Variants in ALMS1 observed in about 807,000 individuals in gnomAD.
ALMS1 encodes the protein centrosome-associated protein ALMS1.
ALMS1 carries 271 observed loss-of-function variants against 352.2 expected under a neutral mutation model. The observed-to-expected ratio is 0.77, with a 90% CI of 0.70 to 0.85. ALMS1 has a LOEUF of 0.85. ALMS1 is among the 40% of genes least tolerant of loss of function. ALMS1 has a pLI of 0.00. For missense variants in ALMS1, 5,445 were observed against 4,870.7 expected, an observed-to-expected ratio of 1.12 and a Z score of -3.51; for synonymous variants, 1,865 against 1,761.2, an observed-to-expected ratio of 1.06 and a Z score of -1.48.
Position 73,455,233 on chromosome 2 carries a change from A to C in ALMS1, c.7612A>C (p.Arg2538=). ...TTCAGAATTAAATGAAGATGACAGG[A>C]GGAAAGTAGAAGAGATCAAGGCAGA... ...SISELNEDDR[R]KVEEIKAELF... The change falls in exon 9 of 23, where the codon AGG becomes CGG. Residue 2538 remains arginine, a synonymous_variant. Transcript: ENST00000613296. 1 of 1,614,162 alleles carries C rather than the reference A, an allele frequency of 6.2e-7. No individual in the cohort carries two copies. The highest frequency in any genetic ancestry group is 8.5e-7 in the Non-Finnish European group (1 of 1,180,000).
At chr2:73,585,741 T>TTTTTTTC (rs1553420024) in intron 16 of ALMS1, among the ~76,000 whole-genome samples, 6 of 148,530 alleles carry the variant, frequency 4.0e-5, no homozygotes, top group Admixed American at 1.3e-4. Context: ...TTTTTTTTTT[T>TTTTTTTC]CCCCGAGACG....
chr2:73,484,783 C>T (rs1006016180), intron 9 of ALMS1, among the ~76,000 whole-genome samples: 2 of 152,038 alleles, frequency 1.3e-5, no homozygotes, highest in African/African-American at 4.8e-5. Flanking sequence ...TCTTTTTATT[C>T]TTTTTTCTCT....
intron 10 of ALMS1, among the ~76,000 whole-genome samples, chr2:73,506,505 C>A (rs1558673370): frequency 6.6e-6 from 1 of 152,148 alleles, no homozygotes; most frequent in South Asian, 2.1e-4. Flanking sequence ...TCCTTCACAT[C>A]CATTGAATGT....
chr2:73,440,025 G>C (rs1212741616), intron 7 of ALMS1, among the ~76,000 whole-genome samples: 1 of 152,006 alleles, frequency 6.6e-6, no homozygotes, highest in Non-Finnish European at 1.5e-5. Context: ...CTGTCGCCCA[G>C]GCTGGAGTGC....
chr2:73,573,308 A>G lies in ALMS1; in HGVS notation c.11431A>G (p.Ser3811Gly), dbSNP rs762842326. The change falls in exon 16 of 23, where the codon AGC becomes GGC. Residue 3811 changes from serine to glycine, a missense_variant. By Grantham distance (56) the Ser-to-Gly change is moderately conservative. Coordinates refer to ENST00000613296, the MANE Select transcript of ALMS1 (RefSeq NM_001378454.1). ...LSPRRIKLYS[S>G]ITNQQRRYLE... ...ACCCAGACGAATTAAATTATATAGC[A>G]GCATCACCAACCAACAGAGGAGATA... The G allele has an allele frequency of 6.2e-7, 1 of 1,614,128 alleles. No individual in the cohort carries two copies. Among genetic ancestry groups the G allele is most frequent in the South Asian group, 1.1e-5 (1 of 91,078 alleles).
chr2:73,466,307 A>G (rs1466356184), intron 9 of ALMS1, among the ~76,000 whole-genome samples: 2 of 152,096 alleles, frequency 1.3e-5, no homozygotes, highest in Non-Finnish European at 2.9e-5. Context: ...TGCAGCCATA[A>G]AAAATGATGA....
rs1671860790 is a variant in ALMS1 at position 73,448,726 on chromosome 2, T to A, written c.2199T>A (p.Ser733Arg). ...GIFYQQEFAD[S>R]HQTEETLTKV... Reference sequence around the variant, plus strand: ...TTTACCAACAAGAGTTCGCAGACAGTCATCAAACTGAAGAGACTCTTACTA... The same window carrying A: ...TTTACCAACAAGAGTTCGCAGACAGACATCAAACTGAAGAGACTCTTACTA... Residue 733 changes from serine (S) to arginine (R), a missense_variant, in exon 8 of 23, where the codon AGT (serine) becomes AGA (arginine). Coordinates refer to ENST00000613296, the MANE Select transcript of ALMS1 (RefSeq NM_001378454.1). The A allele has an allele frequency of 1.9e-6, 3 of 1,605,256 alleles. No individual in the cohort carries two copies. The highest frequency in any genetic ancestry group is 8.5e-7 in the Non-Finnish European group (1 of 1,174,172).
At chr2:73,439,078 TTTTCTTC>T (rs972351551) in intron 7 of ALMS1, among the ~76,000 whole-genome samples, 3 of 150,988 alleles carry the variant, frequency 2.0e-5, no homozygotes, top group African/African-American at 4.9e-5. Context: ...TCTTCCTCTT[TTTTCTTC>T]TTTCTTCTTT....
chr2:73,486,935 G>T (rs1375591214), intron 9 of ALMS1, among the ~76,000 whole-genome samples: 2 of 152,124 alleles, frequency 1.3e-5, no homozygotes, highest in African/African-American at 4.8e-5. Flanking sequence ...TGTGCCTGTT[G>T]TCCCAGCTAT....
intron 16 of ALMS1, among the ~76,000 whole-genome samples, chr2:73,597,334 A>C (rs191132519): frequency 6.4e-4 from 97 of 152,250 alleles, no homozygotes; most frequent in Middle Eastern, 3.4e-3. Flanking sequence ...AGGATTCCTT[A>C]GTATTTTCTA....
Position 73,600,675 on chromosome 2 carries a change from C to A in ALMS1, c.11669-3C>A. 1 of 1,611,738 alleles carries A rather than the reference C, an allele frequency of 6.2e-7. No homozygotes were observed. The highest frequency in any genetic ancestry group is 8.5e-7 in the Non-Finnish European group (1 of 1,178,804). On this transcript the variant is annotated splice_polypyrimidine_tract_variant and splice_region_variant and intron_variant, in intron 17 of 22. Transcript: ENST00000613296. Reference sequence around the variant, plus strand: ...CAGAGACACCTATGATCCTTCCCCTCAGGTAACTTGGAGATTGTGAACGGT... The same window carrying A: ...CAGAGACACCTATGATCCTTCCCCTAAGGTAACTTGGAGATTGTGAACGGT...
chr2:73,405,703 C>T (rs1321105824), intron 1 of ALMS1, among the ~76,000 whole-genome samples: 2 of 151,760 alleles, frequency 1.3e-5, no homozygotes, highest in African/African-American at 4.8e-5. Context: ...GCATTTACGA[C>T]TGTAGATTAC....
chr2:73,581,946 G>A (rs936287842), intron 16 of ALMS1, among the ~76,000 whole-genome samples: 4 of 152,046 alleles, frequency 2.6e-5, no homozygotes, highest in Admixed American at 6.5e-5. Flanking sequence ...GTTTCACCAC[G>A]TTGGTCAGGA....
intron 16 of ALMS1, among the ~76,000 whole-genome samples, chr2:73,581,252 A>G (rs1573037339): frequency 6.6e-6 from 1 of 152,218 alleles, no homozygotes; most frequent in African/African-American, 2.4e-5. Flanking sequence ...AGTATTTTCA[A>G]GGAACATTCT....
chr2:73,582,947 C>G (rs959266432), intron 16 of ALMS1, among the ~76,000 whole-genome samples: 1 of 152,022 alleles, frequency 6.6e-6, no homozygotes, highest in East Asian at 1.9e-4. Flanking sequence ...TTTTGAGGAG[C>G]CTCAACACTG....
Position 73,550,407 on chromosome 2 carries a change from G to A in ALMS1, c.10048G>A (p.Gly3350Arg). ...RVVTKASLPV[G>R]EKPLQNENAD... is the part of the protein sequence containing the mutation. ...AGTGACTAAGGCATCCTTGCCAGTG[G>A]GAGAAAAACCCTTGCAGAATGAAAA... Residue 3350 changes from glycine (G) to arginine (R), a missense_variant, in exon 13 of 23, where the codon GGA (glycine) becomes AGA (arginine). By Grantham distance (125) the Gly-to-Arg change is moderately radical. Coordinates refer to ENST00000613296, the MANE Select transcript of ALMS1 (RefSeq NM_001378454.1). The A allele has an allele frequency of 1.9e-6, 3 of 1,614,088 alleles. No homozygotes were observed. Among genetic ancestry groups the A allele is most frequent in the South Asian group, 1.1e-5 (1 of 91,080 alleles).
At position 73,572,848 on chromosome 2, in the gene ALMS1, A is replaced by T. The variant is rs868321585; in HGVS notation, c.10971A>T (p.Glu3657Asp). The T allele has an allele frequency of 6.2e-7, 1 of 1,614,128 alleles. No individual in the cohort carries two copies. Residue 3657 changes from glutamate (E) to aspartate (D), a missense_variant, in exon 16 of 23, where the codon GAA becomes GAT. Coordinates refer to ENST00000613296, the MANE Select transcript of ALMS1 (RefSeq NM_001378454.1). ...SESTHDDSRGERSVKEWSGRQ... is the reference protein window; with the variant it reads ...SESTHDDSRGDRSVKEWSGRQ... ...GTACACATGATGATAGCAGAGGGGA[A>T]CGAAGTGTGAAGGAATGGAGTGGTA...
At chr2:73,577,407 T>A (rs1005763913) in intron 16 of ALMS1, among the ~76,000 whole-genome samples, 7 of 152,130 alleles carry the variant, frequency 4.6e-5, no homozygotes, top group African/African-American at 1.2e-4. Context: ...TCTTTTTTTT[T>A]AAAGTCTGTT....
rs771536572 is a variant in ALMS1, at chr2:73,491,288, A to T, written c.9329A>T (p.Asp3110Val). 6.2e-7 allele frequency: 1 copy of T among 1,614,186 alleles called. No individual in the cohort carries two copies. Among genetic ancestry groups the T allele is most frequent in the Non-Finnish European group, 8.5e-7 (1 of 1,180,018 alleles). ...KLLTSKPVAQ[D>V]QESLGFLGPK... ...TTGACCAGTAAACCTGTAGCACAGG[A>T]TCAAGAATCTTTAGGTTTTCTAGGA... The change falls in exon 10 of 23, where the codon GAT becomes GTT. Residue 3110 changes from aspartate to valine, a missense_variant. Coordinates refer to ENST00000613296, the MANE Select transcript of ALMS1 (RefSeq NM_001378454.1).
Sources: gnomAD v4.1 joint callset for allele counts (sites outside exome capture counted in the v4.1 genomes callset) on GRCh38, gnomAD v4.1.1 for gene constraint, MANE v1.5 for transcripts, NCBI Gene and HGNC (gene_info 2026-07-23, HGNC 2026-07-21) for gene names.